The following AUTS2 variants were observed in gnomAD, a reference collection of about 807,000 sequenced individuals.
The protein encoded by AUTS2 is activator of transcription and developmental regulator AUTS2.
A neutral mutation model predicts 112.4 loss-of-function variants in AUTS2; 17 were observed. The ratio of observed to expected loss-of-function variants is 0.15; its 90% CI spans 0.10 to 0.23. The LOEUF is 0.23. Ranked by LOEUF, AUTS2 falls within the 10% of genes least tolerant of loss-of-function variation. The pLI is 1.00. For synonymous variants in AUTS2, 751 were observed against 702.7 expected, an observed-to-expected ratio of 1.07 and a Z score of -1.09; for missense variants, 1,510 against 1,701.6, an observed-to-expected ratio of 0.89 and a Z score of 1.98.
chr7:70,696,506 G>T (rs1190645833), intron 5 of AUTS2, among the ~76,000 whole-genome samples: 3 of 152,184 alleles, frequency 2.0e-5, no homozygotes, highest in African/African-American at 7.2e-5. Context: ...TATCCGGTCA[G>T]ACTTACTTCC....
intron 1 of AUTS2, among the ~76,000 whole-genome samples, chr7:69,626,413 C>T (rs1485674233): frequency 6.6e-6 from 1 of 152,070 alleles, no homozygotes; most frequent in African/African-American, 2.4e-5. Flanking sequence ...TCCACAGTCC[C>T]CACAGTTTAG....
At chr7:69,928,542 G>A (rs1433251183) in intron 2 of AUTS2, among the ~76,000 whole-genome samples, 1 of 152,226 alleles carries the variant, frequency 6.6e-6, no homozygotes, top group African/African-American at 2.4e-5. Context: ...GTCTGGAGGG[G>A]CCTGAGGTAG....
chr7:70,027,113 C>T (rs1313398224), intron 2 of AUTS2, among the ~76,000 whole-genome samples: 1 of 152,050 alleles, frequency 6.6e-6, no homozygotes, highest in Non-Finnish European at 1.5e-5. Context: ...TTAAGGTATG[C>T]TCGGCTAAGG....
intron 6 of AUTS2, among the ~76,000 whole-genome samples, chr7:70,700,194 A>G (rs1809375183): frequency 6.6e-6 from 1 of 150,654 alleles, no homozygotes; most frequent in South Asian, 2.1e-4. Context: ...CCACATTCTT[A>G]TTTTTGTTTA....
chr7:70,345,431 C>G (rs1399799880), intron 4 of AUTS2, among the ~76,000 whole-genome samples: 1 of 152,128 alleles, frequency 6.6e-6, no homozygotes, highest in African/African-American at 2.4e-5. Flanking sequence ...GTACCACTTT[C>G]CAACTTTTAT....
At chr7:70,498,851 T>C (rs1798662149) in intron 5 of AUTS2, among the ~76,000 whole-genome samples, 1 of 152,320 alleles carries the variant, frequency 6.6e-6, no homozygotes, top group East Asian at 1.9e-4. Context: ...TTCAGCTAAA[T>C]GCAGTTGTAA....
chr7:70,173,940 T>C (rs1320392831), intron 4 of AUTS2, among the ~76,000 whole-genome samples: 1 of 152,140 alleles, frequency 6.6e-6, no homozygotes, highest in East Asian at 1.9e-4. Flanking sequence ...GGTCAGTTAA[T>C]AACACTACAC....
intron 1 of AUTS2, among the ~76,000 whole-genome samples, chr7:69,806,465 T>C (rs556548467): frequency 3.3e-5 from 5 of 151,956 alleles, no homozygotes; most frequent in African/African-American, 1.2e-4. Flanking sequence ...GTTTGTGTAT[T>C]TGTTTTTGGT....
At chr7:70,345,108 A>C (rs899234316) in intron 4 of AUTS2, among the ~76,000 whole-genome samples, 2 of 152,198 alleles carry the variant, frequency 1.3e-5, no homozygotes, top group African/African-American at 4.8e-5. Context: ...CTACAGTCTG[A>C]AAGAATTTTG....
intron 1 of AUTS2, among the ~76,000 whole-genome samples, chr7:69,812,753 C>G (rs1331092455): frequency 6.6e-6 from 1 of 152,030 alleles, no homozygotes; most frequent in African/African-American, 2.4e-5. Context: ...ATATTGCCTA[C>G]TTTTGTCAGT....
chr7:70,734,283 C>G (rs1787644766), intron 6 of AUTS2, among the ~76,000 whole-genome samples: 1 of 151,700 alleles, frequency 6.6e-6, no homozygotes, highest in African/African-American at 2.4e-5. Context: ...AGTAAAAATA[C>G]AAAAAAATTA....
rs1809439696 is a variant in AUTS2, at chr7:70,183,590, C to A, written c.660+49019C>A. ...GCTGAGAGGGACAGGGCTATCAGCCCTGCTGTGTGCAGACGCTAACCACGG... is the reference window on the plus strand; with the variant it reads ...GCTGAGAGGGACAGGGCTATCAGCCATGCTGTGTGCAGACGCTAACCACGG... On this transcript the variant is annotated intron_variant, in intron 4 of 18. Transcript: ENST00000342771. Among the ~76,000 whole-genome samples, 4 of 152,206 alleles carry A rather than the reference C, an allele frequency of 2.6e-5. No homozygotes were observed. The South Asian group carries it at 8.3e-4, about 32-fold the overall frequency.
chr7:70,577,309 A>C (rs1207168895), intron 5 of AUTS2, among the ~76,000 whole-genome samples: 4 of 152,294 alleles, frequency 2.6e-5, no homozygotes, highest in Non-Finnish European at 4.4e-5. Context: ...GTTATAAATA[A>C]GTGGTTAAGT....
intron 2 of AUTS2, among the ~76,000 whole-genome samples, chr7:70,001,582 G>A (rs1305992131): frequency 3.9e-5 from 6 of 152,076 alleles, no homozygotes; most frequent in Admixed American, 6.6e-5. Context: ...TAACTAAATG[G>A]GAAAGTAAGG....
chr7:70,165,948 T>TGTTCTCATGATAGCGAGTGA (rs559141354), intron 4 of AUTS2, among the ~76,000 whole-genome samples: 243 of 152,284 alleles, frequency 1.6e-3, no homozygotes, highest in African/African-American at 5.5e-3. Context: ...TCCCCACTGC[T>TGTTCTCATGATAGCGAGTGA]GTTCTCATGA....
chr7:70,315,889 C>A (rs1789970987), intron 4 of AUTS2, among the ~76,000 whole-genome samples: 1 of 152,186 alleles, frequency 6.6e-6, no homozygotes, highest in Admixed American at 6.5e-5. Flanking sequence ...CATCTCTATT[C>A]TATTGTAAGC....
chr7:69,672,909 G>C (rs927689785), intron 1 of AUTS2, among the ~76,000 whole-genome samples: 7 of 152,216 alleles, frequency 4.6e-5, no homozygotes, highest in African/African-American at 7.2e-5. Context: ...GCTTGGCTAT[G>C]TTGGGAACCA....
At chr7:69,844,846 C>CAGT (rs1792126169) in intron 1 of AUTS2, among the ~76,000 whole-genome samples, 1 of 152,168 alleles carries the variant, frequency 6.6e-6, no homozygotes, top group African/African-American at 2.4e-5. Context: ...TTACATACTA[C>CAGT]CTAACAGTGT....
intron 4 of AUTS2, among the ~76,000 whole-genome samples, chr7:70,392,166 G>T (rs941663574): frequency 6.6e-6 from 1 of 152,038 alleles, no homozygotes; most frequent in Non-Finnish European, 1.5e-5. Context: ...ACTGTTCCTC[G>T]CCCTAGACAG....
Sources: allele counts gnomAD v4.1 joint callset (sites outside exome capture counted in the v4.1 genomes callset), GRCh38; gene constraint gnomAD v4.1.1; transcripts MANE v1.5; gene names NCBI Gene and HGNC (gene_info 2026-07-23, HGNC 2026-07-21).